The following RALYL variants were observed in gnomAD, a reference collection of about 807,000 sequenced individuals.
RALYL encodes RALY RNA binding protein like.
In RALYL, 29 loss-of-function variants were observed where a neutral mutation model predicts 35.1. That is an observed-to-expected ratio of 0.83 (90% CI 0.61 to 1.13). RALYL has a LOEUF of 1.13. Ranked by LOEUF, RALYL falls within the 50% of genes most tolerant of loss-of-function variation. RALYL has a pLI of 0.00. For synonymous variants in RALYL, 120 were observed against 127.6 expected, an observed-to-expected ratio of 0.94 and a Z score of 0.40; for missense variants, 359 against 360.4, an observed-to-expected ratio of 1.00 and a Z score of 0.03.
chr8:84,216,310 T>A (rs905979038), intron 1 of RALYL, among the ~76,000 whole-genome samples: 1 of 152,108 alleles, frequency 6.6e-6, no homozygotes, highest in East Asian at 1.9e-4. Context: ...CATAAGCCTA[T>A]GTAGCAAGAT....
At chr8:84,681,250 G>A (rs1343692719) in intron 2 of RALYL, among the ~76,000 whole-genome samples, 3 of 152,128 alleles carry the variant, frequency 2.0e-5, no homozygotes, top group Non-Finnish European at 2.9e-5. Context: ...TTTGGTTCCC[G>A]TAGCCTTGTA....
intron 5 of RALYL, among the ~76,000 whole-genome samples, chr8:84,861,431 C>T (rs1163702589): frequency 6.6e-6 from 1 of 151,968 alleles, no homozygotes; most frequent in Admixed American, 6.6e-5. Flanking sequence ...ATGAGTTAAC[C>T]CTTATACCTT....
At chr8:84,299,444 C>G (rs374021412) in intron 1 of RALYL, among the ~76,000 whole-genome samples, 64 of 151,676 alleles carry the variant, frequency 4.2e-4, no homozygotes, top group African/African-American at 1.4e-3. Context: ...TTTGTTGTGT[C>G]TCTGCTTGTT....
intron 1 of RALYL, among the ~76,000 whole-genome samples, chr8:84,372,896 T>G (rs1257268251): frequency 7.9e-6 from 1 of 127,338 alleles, no homozygotes; most frequent in Non-Finnish European, 1.7e-5. Flanking sequence ...GTTTTTTTTT[T>G]TTTTTTTTTT....
intron 2 of RALYL, among the ~76,000 whole-genome samples, chr8:84,718,491 C>T (rs1589173986): frequency 6.6e-6 from 1 of 152,160 alleles, no homozygotes; most frequent in East Asian, 1.9e-4. Flanking sequence ...TGGCCGGGCG[C>T]GGTGGCTCAT....
intron 2 of RALYL, among the ~76,000 whole-genome samples, chr8:84,544,953 C>A (rs1274570250): frequency 6.6e-6 from 1 of 151,924 alleles, no homozygotes; most frequent in Non-Finnish European, 1.5e-5. Flanking sequence ...TTTTCTTATA[C>A]ATTAAGAAAA....
chr8:84,344,302 T>C (rs1225434833), intron 1 of RALYL, among the ~76,000 whole-genome samples: 1 of 152,092 alleles, frequency 6.6e-6, no homozygotes, highest in African/African-American at 2.4e-5. Flanking sequence ...TTATTGAAAG[T>C]GCTATCATCA....
At position 84,367,352 on chromosome 8, in the gene RALYL, T is replaced by G. The variant is rs1303877128; in HGVS notation, c.-23-161947T>G. On this transcript the variant is annotated intron_variant, in intron 1 of 8. Coordinates refer to ENST00000521268, the MANE Select transcript of RALYL (RefSeq NM_173848.7). ...TTTTTTTTTTTTTTTTTTTTTTTTT[T>G]TTTTTTTTTTTTTTTTTAGTAGAGG... Among the ~76,000 whole-genome samples the G allele has an allele frequency of 1.8e-3, 177 of 95,766 alleles. 3 individuals are homozygous for G. Among genetic ancestry groups the G allele is most frequent in the African/African-American group, 8.0e-3 (158 of 19,642 alleles). The allele number at this position is 95,766 out of a possible 152,430, so 62.8% of individuals were successfully genotyped here. A position where few individuals can be genotyped will look rare whatever the true frequency, so the allele number is the denominator to read the frequency against.
intron 1 of RALYL, among the ~76,000 whole-genome samples, chr8:84,235,761 C>CTTTTTTTTTTTTTTTTTTT (rs200486763): frequency 2.9e-5 from 4 of 138,214 alleles, no homozygotes; most frequent in African/African-American, 8.3e-5. Flanking sequence ...TTTTCTTTTT[C>CTTTTTTTTTTTTTTTTTTT]TTTTTCTTTT....
chr8:84,291,022 C>T (rs73304870), intron 1 of RALYL, among the ~76,000 whole-genome samples: 4 of 151,984 alleles, frequency 2.6e-5, no homozygotes, highest in East Asian at 1.9e-4. Context: ...GAATTGATTG[C>T]GTATTCTAAA....
chr8:84,599,024 G>A (rs2130706857), intron 2 of RALYL, among the ~76,000 whole-genome samples: 1 of 152,206 alleles, frequency 6.6e-6, no homozygotes, highest in East Asian at 1.9e-4. Context: ...CTGATGATTA[G>A]TGATGCGGAA....
chr8:84,826,292 G>GAAAAAAA (rs1169764529), intron 4 of RALYL, among the ~76,000 whole-genome samples: 2 of 66,006 alleles, frequency 3.0e-5, no homozygotes, highest in Non-Finnish European at 3.0e-5. Context: ...CCCTGAATCT[G>GAAAAAAA]AAAAAAAAAA....
intron 8 of RALYL, among the ~76,000 whole-genome samples, chr8:84,917,368 A>G (rs905734809): frequency 7.2e-5 from 11 of 151,982 alleles, no homozygotes; most frequent in African/African-American, 2.4e-4. Context: ...GAGCATGTTC[A>G]GAAGACAGTT....
At chr8:84,470,227 T>C (rs2052530380) in intron 1 of RALYL, among the ~76,000 whole-genome samples, 1 of 152,178 alleles carries the variant, frequency 6.6e-6, no homozygotes. Context: ...ACACATCCAC[T>C]TGCATAGAAT....
chr8:84,525,489 A>G (rs1472408931), intron 1 of RALYL, among the ~76,000 whole-genome samples: 2 of 151,846 alleles, frequency 1.3e-5, no homozygotes, highest in African/African-American at 4.8e-5. Flanking sequence ...ATTCTGCTTG[A>G]GGTTCATTGA....
At chr8:84,450,927 A>T (rs1216406859) in intron 1 of RALYL, among the ~76,000 whole-genome samples, 1 of 152,006 alleles carries the variant, frequency 6.6e-6, no homozygotes, top group Non-Finnish European at 1.5e-5. Context: ...TACTTCATAC[A>T]TGGGGTTCTG....
At chr8:84,732,683 T>TATATACACACACACAC in intron 2 of RALYL, among the ~76,000 whole-genome samples, 1 of 133,234 alleles carries the variant, frequency 7.5e-6, no homozygotes, top group Non-Finnish European at 1.6e-5. Flanking sequence ...TATATATATA[T>TATATACACACACACAC]ACACACACAC....
intron 1 of RALYL, among the ~76,000 whole-genome samples, chr8:84,394,461 T>C (rs975938896): frequency 2.3e-4 from 35 of 152,110 alleles, no homozygotes; most frequent in Admixed American, 1.6e-3. Flanking sequence ...GCTGAAAGCA[T>C]AGTGCAAGAA....
chr8:84,801,399 C>G (rs1007124351), intron 3 of RALYL, among the ~76,000 whole-genome samples: 1 of 152,156 alleles, frequency 6.6e-6, no homozygotes, highest in Non-Finnish European at 1.5e-5. Context: ...TGTTGGAAGT[C>G]TCTTGTCTAA....
Sources: gnomAD v4.1 joint callset for allele counts (sites outside exome capture counted in the v4.1 genomes callset) on GRCh38, gnomAD v4.1.1 for gene constraint, MANE v1.5 for transcripts, NCBI Gene and HGNC (gene_info 2026-07-23, HGNC 2026-07-21) for gene names.